FBN3: variants seen among roughly 807,000 people sequenced by gnomAD.
The protein encoded by FBN3 is fibrillin 3.
In FBN3, 234 loss-of-function variants were observed where a neutral mutation model predicts 330.1. The observed-to-expected ratio is 0.71, with a 90% confidence interval of 0.64 to 0.79. The LOEUF (loss-of-function observed/expected upper bound fraction) is 0.79. Among genes scored for constraint, FBN3 ranks in the 30% least tolerant of loss-of-function variants. The pLI, the probability that FBN3 is intolerant of heterozygous loss-of-function variation, is 0.00. For synonymous variants in FBN3, 1,458 were observed against 1,517.3 expected (o/e 0.96, Z 0.91); for missense variants, 3,606 against 3,886.9 (o/e 0.93, Z 1.92).
chr19:8,074,051 A>G lies in FBN3; in HGVS notation c.7703-754T>C, dbSNP rs142453019. Among the ~76,000 whole-genome samples, 499 of 152,294 alleles carry G rather than the reference A, an allele frequency of 3.3e-3. 1 individual carries two copies. Among genetic ancestry groups the G allele is most frequent in the African/African-American group, 0.011 (471 of 41,558 alleles). ...ATGGTCCTCTGTTGAGAACCTAGTT[A>G]GGGGTCTAATTAATCTCTGTTTCCT... On this transcript the variant is annotated intron_variant, in intron 61 of 63. Coordinates refer to ENST00000600128, the MANE Select transcript of FBN3 (RefSeq NM_032447.5).
chr19:8,147,492 T>C lies in FBN3; in HGVS notation c.-12A>G. ...CCCTCCAGAGTCATGGCGTGTCCCC[T>C]GGAGGCTGCGGAGAGGAAGCAGAGT... On this transcript the variant is annotated 5_prime_UTR_variant, in exon 2 of 64. Transcript: ENST00000600128. 1 of 1,456,846 alleles carries C rather than the reference T, an allele frequency of 6.9e-7. No individual in the cohort carries two copies. Among genetic ancestry groups the C allele is most frequent in the Non-Finnish European group, 9.1e-7 (1 of 1,102,944 alleles). The allele number at this position is 1,456,846 out of a possible 1,614,324, so 90.2% of individuals were successfully genotyped here. A position where few individuals can be genotyped will look rare whatever the true frequency, so the allele number is the denominator to read the frequency against.
chr19:8,066,287 C>A, intron 63 of FBN3, 27 bp from the exon 64 acceptor site: 2 of 1,480,734 alleles, frequency 1.4e-6, no homozygotes, highest in South Asian at 2.6e-5. Context: ...GGTGTGTGGT[C>A]AGAGCCCAGG....
At chr19:8,076,150 G>A (rs1302778011) in intron 59 of FBN3, among the ~76,000 whole-genome samples, 4 of 151,964 alleles carry the variant, frequency 2.6e-5, no homozygotes, top group South Asian at 2.1e-4. Context: ...AGAACCAGCC[G>A]TGCTGCCACC....
At chr19:8,084,648 G>A (rs555047660) in intron 56 of FBN3, among the ~76,000 whole-genome samples, 95 of 150,276 alleles carry the variant, frequency 6.3e-4, no homozygotes, top group African/African-American at 2.2e-3. Context: ...GTGCAATGGC[G>A]TGATCTCGTC....
chr19:8,096,900 C>T lies in FBN3; in HGVS notation c.5394G>A (p.Ser1798=), dbSNP rs80293030. 6.3e-4 allele frequency: 1,010 copies of T among 1,613,530 alleles called. 6 individuals are homozygous for T. In the African/African-American group the frequency reaches 0.012, roughly 19 times the overall value. Residue 1798 remains serine, a synonymous_variant, in exon 43 of 64, where the codon TCG becomes TCA. Transcript: ENST00000600128. This position sits in a 1 kb window ranked among gnomAD's most constrained non-coding sequence, Gnocchi z 4.6. ...GCTCACCCACACAAGCCCCGCCTGG[C>T]GACAGTTTGTACCCTCGGGTGCACT... The part of the protein sequence containing the change: ...RCKCTRGYKL[S]PGGACVGRNE...
At chr19:8,089,076 A>G (rs114916290) in intron 51 of FBN3, among the ~76,000 whole-genome samples, 1 of 149,304 alleles carries the variant, frequency 6.7e-6, no homozygotes, top group Non-Finnish European at 1.5e-5. Flanking sequence ...ATAAGTGAGT[A>G]AATGAATAAG....
intron 41 of FBN3, 49 bp downstream of exon 41, chr19:8,100,852 G>T: frequency 6.7e-7 from 1 of 1,494,826 alleles, no homozygotes; most frequent in Non-Finnish European, 9.3e-7. Context: ...GGAGGAAGCA[G>T]ACCCAGGTGG....
intron 13 of FBN3, 25 bp downstream of exon 13, chr19:8,135,936 G>GTCACCCCCCCCC: frequency 1.5e-6 from 1 of 668,778 alleles, no homozygotes; most frequent in South Asian, 1.6e-5. Context: ...GGAAGCCCCT[G>GTCACCCCCCCCC]CCCACCCGCC....
chr19:8,135,936 G>GGGGGGGGGGCCC, intron 13 of FBN3, 25 bp downstream of exon 13: 1 of 668,778 alleles, frequency 1.5e-6, no homozygotes, highest in Non-Finnish European at 2.4e-6. Flanking sequence ...GGAAGCCCCT[G>GGGGGGGGGGCCC]CCCACCCGCC....
intron 30 of FBN3, among the ~76,000 whole-genome samples, chr19:8,114,325 C>A (rs1038543537): frequency 6.6e-6 from 1 of 152,208 alleles, no homozygotes; most frequent in Non-Finnish European, 1.5e-5. Context: ...TCTTGGCTCA[C>A]TGCAACCTCC....
At chr19:8,124,052 T>C (rs1316238488) in intron 22 of FBN3, 44 bp from the exon 23 acceptor site, 1 of 1,519,552 alleles carries the variant, frequency 6.6e-7, no homozygotes, top group Admixed American at 1.8e-5. Context: ...TGCCACACTG[T>C]GCCCACTGCG....
chr19:8,081,530 T>C (rs754139908), intron 57 of FBN3, 50 bp from the exon 58 acceptor site: 2 of 1,538,596 alleles, frequency 1.3e-6, no homozygotes, highest in Non-Finnish European at 1.7e-6. Context: ...AGACATTCCC[T>C]GGGGGTGTTC....
intron 63 of FBN3, 65 bp from the exon 64 acceptor site, chr19:8,066,325 G>T: frequency 8.2e-7 from 1 of 1,223,136 alleles, no homozygotes; most frequent in Non-Finnish European, 1.1e-6. Flanking sequence ...TGGGTAGGGG[G>T]TCCTCGGATT....
At chr19:8,093,815 G>C (rs2082152471) in intron 47 of FBN3, among the ~76,000 whole-genome samples, 1 of 152,116 alleles carries the variant, frequency 6.6e-6, no homozygotes, top group Non-Finnish European at 1.5e-5. Context: ...AAAAAGGATA[G>C]ATCAGAAGAG....
intron 47 of FBN3, among the ~76,000 whole-genome samples, 175 bp from the exon 48 acceptor site, chr19:8,091,765 AC>A (rs1479661497): frequency 6.6e-6 from 1 of 152,196 alleles, no homozygotes. Flanking sequence ...TTGTGTGTGC[AC>A]GTAGGTCCTT....
rs2144895183 is a variant in FBN3 at position 8,121,213 on chromosome 19, C to T, written c.3211+45G>A. 6.5e-7 allele frequency: 1 copy of T among 1,534,204 alleles called. No homozygotes were observed. Among genetic ancestry groups the T allele is most frequent in the East Asian group, 2.3e-5 (1 of 42,780 alleles). ...CCACCCTCCCTCTCCTCAATGCCCT[C>T]CCTGCCCAGGGCGCCCACCACACCC... On this transcript the variant is annotated intron_variant, in intron 25 of 63. Coordinates refer to ENST00000600128, the MANE Select transcript of FBN3 (RefSeq NM_032447.5). The surrounding 1 kb of genome is among the most constrained non-coding windows in gnomAD (Gnocchi z 4.5).
intron 55 of FBN3, among the ~76,000 whole-genome samples, chr19:8,085,786 G>C (rs1454192410): frequency 2.0e-5 from 3 of 151,968 alleles, no homozygotes; most frequent in Non-Finnish European, 4.4e-5. Flanking sequence ...CCGGGGTGTG[G>C]CGCCAGTAAG....
chr19:8,119,130 C>T, intron 25 of FBN3, 108 bp from the exon 26 acceptor site: 2 of 1,329,854 alleles, frequency 1.5e-6, no homozygotes, highest in Non-Finnish European at 2.0e-6. Context: ...CCCCCTTCAC[C>T]CCAGCGGGAG....
intron 56 of FBN3, 74 bp from the exon 57 acceptor site, chr19:8,083,446 T>G: frequency 6.4e-7 from 1 of 1,564,200 alleles, no homozygotes; most frequent in Non-Finnish European, 8.7e-7. Flanking sequence ...TCCTTCTCTC[T>G]GCCCAGCAGC....
Sources: allele counts gnomAD v4.1 joint callset (sites outside exome capture counted in the v4.1 genomes callset), GRCh38; gene constraint gnomAD v4.1.1; non-coding constraint Gnocchi (gnomAD v3.1); transcripts MANE v1.5; gene names NCBI Gene and HGNC (gene_info 2026-07-23, HGNC 2026-07-21).